PCDHA11: variants seen among roughly 807,000 people sequenced by gnomAD.
The protein encoded by PCDHA11 is protocadherin alpha 11.
In PCDHA11, 61 loss-of-function variants were observed where a neutral mutation model predicts 70.3. The ratio of observed to expected loss-of-function variants is 0.87; its 90% CI spans 0.71 to 1.07. The LOEUF (loss-of-function observed/expected upper bound fraction) is 1.07. Among genes scored for constraint, PCDHA11 ranks in the 50% least tolerant of loss-of-function variants. PCDHA11 has a pLI of 0.00. For missense variants in PCDHA11, 1,324 were observed against 1,237.5 expected, an observed-to-expected ratio of 1.07 and a Z score of -1.05; for synonymous variants, 633 against 555.1, an observed-to-expected ratio of 1.14 and a Z score of -1.97.
intron 1 of PCDHA11, among the ~76,000 whole-genome samples, chr5:140,944,406 C>T (rs1003379783): frequency 2.0e-5 from 3 of 152,084 alleles, no homozygotes; most frequent in Non-Finnish European, 2.9e-5. Flanking sequence ...AGGCTGGTCT[C>T]GAACTCCTGA....
At chr5:140,941,950 A>C (rs2093203816) in intron 1 of PCDHA11, among the ~76,000 whole-genome samples, 1 of 152,172 alleles carries the variant, frequency 6.6e-6, no homozygotes, top group Admixed American at 6.5e-5. Context: ...TTTGTTTTGA[A>C]AACAATAGTA....
At chr5:140,954,149 G>A (rs1301810560) in intron 1 of PCDHA11, among the ~76,000 whole-genome samples, 2 of 152,204 alleles carry the variant, frequency 1.3e-5, no homozygotes, top group Non-Finnish European at 2.9e-5. Flanking sequence ...ATTCCATGGT[G>A]TATATGTACC....
chr5:140,875,485 G>C (rs367652529), intron 1 of PCDHA11: 10 of 1,611,542 alleles, frequency 6.2e-6, no homozygotes, highest in Non-Finnish European at 7.6e-6. Context: ...GGTGATTATC[G>C]GACCAAGAGG....
chr5:141,000,385 C>CTA (rs2097909674), intron 3 of PCDHA11, among the ~76,000 whole-genome samples: 1 of 64,994 alleles, frequency 1.5e-5, no homozygotes, highest in Non-Finnish European at 2.9e-5. Context: ...CTCTCTCTCT[C>CTA]TCTCTCTCTC....
At chr5:140,998,779 G>T (rs782154283) in intron 3 of PCDHA11, among the ~76,000 whole-genome samples, 3 of 152,140 alleles carry the variant, frequency 2.0e-5, no homozygotes, top group Non-Finnish European at 4.4e-5. Context: ...GGTCAGGCTG[G>T]TCTGGAACCC....
At chr5:140,997,335 A>G (rs2097768018) in intron 3 of PCDHA11, among the ~76,000 whole-genome samples, 1 of 152,230 alleles carries the variant, frequency 6.6e-6, no homozygotes, top group African/African-American at 2.4e-5. Context: ...TTCGTTGTAC[A>G]AATATCATAG....
chr5:140,970,752 T>A (rs1324041619), intron 1 of PCDHA11, among the ~76,000 whole-genome samples: 1 of 152,244 alleles, frequency 6.6e-6, no homozygotes, highest in Non-Finnish European at 1.5e-5. Context: ...CAATATATTT[T>A]CATTGACATA....
intron 1 of PCDHA11, chr5:140,927,303 G>T: frequency 6.2e-7 from 1 of 1,614,150 alleles, no homozygotes. Flanking sequence ...CCGAGTTCCT[G>T]ACGCCCGGAG....
intron 1 of PCDHA11, chr5:140,966,733 C>T: frequency 7.1e-7 from 1 of 1,416,484 alleles, no homozygotes; most frequent in Non-Finnish European, 9.2e-7. Context: ...CCGCCTCCGG[C>T]CCTGCCCGGC....
At chr5:140,911,202 A>C (rs1554194649) in intron 1 of PCDHA11, among the ~76,000 whole-genome samples, 1 of 152,184 alleles carries the variant, frequency 6.6e-6, no homozygotes. Flanking sequence ...ACATGTTGCC[A>C]CTACTGGGGA....
At chr5:140,882,143 C>T in intron 1 of PCDHA11, 1 of 1,494,048 alleles carries the variant, frequency 6.7e-7, no homozygotes, top group Non-Finnish European at 8.9e-7. Context: ...GAAAATATAG[C>T]AGAAAGCGGA....
intron 3 of PCDHA11, among the ~76,000 whole-genome samples, chr5:140,998,569 G>GT (rs71574497): frequency 0.37 from 55,088 of 149,258 alleles, 10,597 homozygotes; most frequent in African/African-American, 0.48. Flanking sequence ...TTGTAAATAA[G>GT]TTTTTTTTTT....
At chr5:140,976,491 C>T (rs1478947639) in intron 1 of PCDHA11, among the ~76,000 whole-genome samples, 2 of 152,172 alleles carry the variant, frequency 1.3e-5, no homozygotes, top group East Asian at 1.9e-4. Context: ...GCAGAGGTTG[C>T]AGGGAGCCAA....
At chr5:140,904,116 T>C (rs1233566335) in intron 1 of PCDHA11, among the ~76,000 whole-genome samples, 3 of 152,180 alleles carry the variant, frequency 2.0e-5, no homozygotes, top group African/African-American at 7.2e-5. Context: ...TTGCTGAGAT[T>C]TTGGTGCACC....
intron 1 of PCDHA11, chr5:140,966,979 C>T (rs1554229021): frequency 2.5e-6 from 4 of 1,603,612 alleles, no homozygotes; most frequent in Admixed American, 1.7e-5. Context: ...AGCTGCGGCG[C>T]TTGGGGCCGG....
chr5:140,933,694 C>A lies in PCDHA11; in HGVS notation c.2392-45255C>A, dbSNP rs782754431. On this transcript the variant is annotated intron_variant, in intron 1 of 3. Coordinates refer to ENST00000398640, the MANE Select transcript of PCDHA11 (RefSeq NM_018902.5). ...CTCTCACATTTTTTTTCCTATTCCT[C>A]GGACACATTTACTGAGATTGGTGAT... 5.3e-5 allele frequency among the ~76,000 whole-genome samples: 8 copies of A among 151,858 alleles called. No homozygotes were observed. In the South Asian group the frequency reaches 1.7e-3, roughly 31 times the overall value.
At chr5:140,940,101 G>A (rs754155361) in intron 1 of PCDHA11, among the ~76,000 whole-genome samples, 23 of 152,148 alleles carry the variant, frequency 1.5e-4, no homozygotes, top group Non-Finnish European at 3.2e-4. Flanking sequence ...AACTTTTAGC[G>A]TTATGTATTA....
intron 1 of PCDHA11, among the ~76,000 whole-genome samples, chr5:140,896,062 C>T (rs781234487): frequency 1.1e-4 from 17 of 152,104 alleles, no homozygotes; most frequent in South Asian, 4.2e-4. Flanking sequence ...CCGCCTGCCT[C>T]GGCCTCCCAA....
intron 1 of PCDHA11, chr5:140,884,171 C>T (rs781800470): frequency 6.2e-7 from 1 of 1,613,414 alleles, no homozygotes; most frequent in Admixed American, 1.7e-5. Context: ...CAGCACGACG[C>T]GCCCTCTGGA....
Sources: allele counts gnomAD v4.1 joint callset (sites outside exome capture counted in the v4.1 genomes callset), GRCh38; gene constraint gnomAD v4.1.1; transcripts MANE v1.5; gene names NCBI Gene and HGNC (gene_info 2026-07-23, HGNC 2026-07-21).